Variants in CALN1 observed in about 807,000 individuals in gnomAD.
CALN1 encodes the protein calcium-binding protein 8.
A neutral mutation model predicts 30.6 loss-of-function variants in CALN1; 17 were observed. That is an observed-to-expected ratio of 0.56 (90% CI 0.38 to 0.83). The LOEUF is 0.83. Among genes scored for constraint, CALN1 ranks in the 40% least tolerant of loss-of-function variants. The pLI is 0.00. For missense variants in CALN1, 291 were observed against 354.9 expected (o/e 0.82, Z 1.45); for synonymous variants, 156 against 131.4 (o/e 1.19, Z -1.28).
intron 4 of CALN1, among the ~76,000 whole-genome samples, chr7:72,028,084 A>C (rs1012427311): frequency 1.2e-4 from 18 of 144,596 alleles, no homozygotes; most frequent in Non-Finnish European, 2.2e-4. Context: ...AAAAAAAAAA[A>C]ACACATGAGA....
intron 3 of CALN1, among the ~76,000 whole-genome samples, chr7:72,166,098 T>C (rs973026010): frequency 2.6e-5 from 4 of 152,236 alleles, no homozygotes; most frequent in Admixed American, 6.5e-5. Context: ...ACTAGCCATG[T>C]ATTACAGTCC....
At chr7:71,971,763 T>C (rs1797813892) in intron 5 of CALN1, among the ~76,000 whole-genome samples, 1 of 149,908 alleles carries the variant, frequency 6.7e-6, no homozygotes, top group African/African-American at 2.4e-5. Flanking sequence ...CCAAGTATGG[T>C]AGCATACACC....
At chr7:72,287,477 G>A (rs1353115063) in intron 2 of CALN1, among the ~76,000 whole-genome samples, 5 of 124,814 alleles carry the variant, frequency 4.0e-5, no homozygotes, top group South Asian at 2.6e-4. Flanking sequence ...ACAGAGTCTC[G>A]GCTCTGTCAC....
chr7:72,016,103 G>T (rs375502612), intron 5 of CALN1, among the ~76,000 whole-genome samples: 18 of 152,042 alleles, frequency 1.2e-4, no homozygotes, highest in African/African-American at 4.3e-4. Flanking sequence ...ACAAAAATTA[G>T]CTGGGTATGG....
chr7:72,131,970 C>A (rs141869548), intron 3 of CALN1, among the ~76,000 whole-genome samples: 10 of 152,254 alleles, frequency 6.6e-5, no homozygotes, highest in Middle Eastern at 3.4e-3. Context: ...CCTCTTCAAA[C>A]CCTCAATCCC....
chr7:72,334,310 GAC>G (rs1801863170), intron 2 of CALN1, among the ~76,000 whole-genome samples: 1 of 152,130 alleles, frequency 6.6e-6, no homozygotes, highest in Non-Finnish European at 1.5e-5. Context: ...TGTGGTAAAA[GAC>G]ACCACTGCAC....
At chr7:71,988,920 G>A (rs1436533870) in intron 5 of CALN1, among the ~76,000 whole-genome samples, 1 of 152,116 alleles carries the variant, frequency 6.6e-6, no homozygotes, top group Non-Finnish European at 1.5e-5. Flanking sequence ...CAGGCTCAGA[G>A]GGGCACAATA....
At chr7:72,395,634 C>A (rs754816800) in intron 2 of CALN1, among the ~76,000 whole-genome samples, 1 of 152,080 alleles carries the variant, frequency 6.6e-6, no homozygotes, top group Non-Finnish European at 1.5e-5. Flanking sequence ...GTCAATGGAT[C>A]CCAGGTGAAA....
chr7:72,488,963 G>A, the CALN1 span, among the ~76,000 whole-genome samples: 31,667 of 152,128 alleles, frequency 0.21, 3,637 homozygotes, highest in East Asian at 0.33. Flanking sequence ...GAAGCTGGAA[G>A]CATAGGAGAG....
chr7:72,081,291 C>G (rs1374855144), intron 4 of CALN1, among the ~76,000 whole-genome samples: 2 of 152,010 alleles, frequency 1.3e-5, no homozygotes, highest in Non-Finnish European at 2.9e-5. Flanking sequence ...CTGTGAAAGA[C>G]AAGCCAAAAG....
rs1255903096 is a variant in CALN1 at position 71,990,599 on chromosome 7, T to G, written c.501+33058A>C. ...TCCTCAGTAACTGTGATTACAGGTATGCATCACCACGCCCGGCTAAGTTTT... is the reference window on the plus strand; with the variant it reads ...TCCTCAGTAACTGTGATTACAGGTAGGCATCACCACGCCCGGCTAAGTTTT... On this transcript the variant is annotated intron_variant, in intron 5 of 6. Coordinates refer to ENST00000395275, the MANE Select transcript of CALN1 (RefSeq NM_031468.4). Among the ~76,000 whole-genome samples, 5 of 152,124 alleles carry G rather than the reference T, an allele frequency of 3.3e-5. No homozygotes were observed. In the East Asian group the frequency reaches 9.7e-4, roughly 30 times the overall value.
At chr7:72,390,613 A>G (rs1452786879) in intron 2 of CALN1, among the ~76,000 whole-genome samples, 1 of 152,146 alleles carries the variant, frequency 6.6e-6, no homozygotes, top group East Asian at 1.9e-4. Flanking sequence ...TTCTTCAATT[A>G]GGAATGCAAG....
intron 5 of CALN1, among the ~76,000 whole-genome samples, chr7:71,981,984 C>G (rs1798422103): frequency 6.6e-6 from 1 of 152,188 alleles, no homozygotes; most frequent in South Asian, 2.1e-4. Context: ...AGGCTCCCAG[C>G]TCATCCCAGC....
intron 2 of CALN1, among the ~76,000 whole-genome samples, chr7:72,372,687 A>C (rs1302198788): frequency 6.6e-6 from 1 of 152,196 alleles, no homozygotes; most frequent in African/African-American, 2.4e-5. Flanking sequence ...AAAGCTTTGG[A>C]AATTAACTGA....
rs569414723 is a variant in CALN1, at chr7:72,372,214, C to T, written c.119+31037G>A. ...ACCTCAGCCCCCAAATAATTCATAA[C>T]AGCAGAAGCAGTCATGGTGGTGGGG... On this transcript the variant is annotated intron_variant, in intron 2 of 6. Transcript: ENST00000395275. Among the ~76,000 whole-genome samples the T allele has an allele frequency of 3.3e-5, 5 of 152,262 alleles. No homozygotes were observed. The South Asian group carries it at 1.0e-3, about 32-fold the overall frequency.
At chr7:72,037,447 GCCT>G (rs1261561472) in intron 4 of CALN1, among the ~76,000 whole-genome samples, 2 of 152,108 alleles carry the variant, frequency 1.3e-5, no homozygotes, top group Admixed American at 6.5e-5. Flanking sequence ...ATTGCACCCA[GCCT>G]CCTTTCATAA....
intron 1 of CALN1, among the ~76,000 whole-genome samples, chr7:72,439,855 G>A (rs1808297328): frequency 1.3e-5 from 2 of 152,122 alleles, no homozygotes; most frequent in Non-Finnish European, 2.9e-5. Flanking sequence ...GGGATTACAG[G>A]CGTGAGCCAC....
intron 4 of CALN1, among the ~76,000 whole-genome samples, chr7:72,085,947 A>G (rs375237408): frequency 5.3e-5 from 8 of 152,296 alleles, no homozygotes; most frequent in South Asian, 2.1e-4. Context: ...AGACAGTGAT[A>G]TAATTCTCTG....
Position 71,785,464 on chromosome 7 carries a change from A to G in CALN1, c.*2311T>C, listed in dbSNP as rs905808025. Reference sequence around the variant, plus strand: ...CTCGCAGAAAAGCCACCTTCAAAGAAGTACTCATTTTCTGCCCTGAAGACC... The same window carrying G: ...CTCGCAGAAAAGCCACCTTCAAAGAGGTACTCATTTTCTGCCCTGAAGACC... On this transcript the variant is annotated 3_prime_UTR_variant, in exon 7 of 7. Coordinates refer to ENST00000395275, the MANE Select transcript of CALN1 (RefSeq NM_031468.4). The G allele has an allele frequency of 2.0e-5, 3 of 152,206 alleles. No individual in the cohort carries two copies. 9.4% of individuals were successfully genotyped at this position (152,206 alleles called of 1,614,324 possible).
Sources: gnomAD v4.1 joint callset for allele counts (sites outside exome capture counted in the v4.1 genomes callset) on GRCh38, gnomAD v4.1.1 for gene constraint, MANE v1.5 for transcripts, NCBI Gene and HGNC (gene_info 2026-07-23, HGNC 2026-07-21) for gene names.